Variants in PRKCE observed in about 807,000 individuals in gnomAD.
The protein encoded by PRKCE is protein kinase C epsilon type.
A neutral mutation model predicts 85.4 loss-of-function variants in PRKCE; 16 were observed. That is an observed-to-expected ratio of 0.19 (90% CI 0.13 to 0.28). The LOEUF (loss-of-function observed/expected upper bound fraction) is 0.28. Among genes scored for constraint, PRKCE ranks in the 10% least tolerant of loss-of-function variants. PRKCE has a pLI of 1.00. For missense variants in PRKCE, 573 were observed against 975.2 expected (o/e 0.59, Z 5.49); for synonymous variants, 388 against 371.5 (o/e 1.04, Z -0.51).
rs567323752 is a variant in PRKCE at position 46,107,532 on chromosome 2, A to C, written c.1592+21170A>C. ...AGCTACTATAAACACTCACATGCAG[A>C]TTCTGGGGTAAACATGTTTTCCAAT... On this transcript the variant is annotated intron_variant, in intron 11 of 14. Transcript: ENST00000306156. 3.9e-5 allele frequency among the ~76,000 whole-genome samples: 6 copies of C among 152,336 alleles called. No homozygotes were observed. In the East Asian group the frequency reaches 1.2e-3, roughly 29 times the overall value.
chr2:45,985,101 A>G (rs1302229784), intron 6 of PRKCE, among the ~76,000 whole-genome samples: 1 of 152,184 alleles, frequency 6.6e-6, no homozygotes, highest in Non-Finnish European at 1.5e-5. Context: ...TGAAAGAGCC[A>G]TGCCAGAACC....
intron 11 of PRKCE, among the ~76,000 whole-genome samples, chr2:46,119,077 C>T (rs758930175): frequency 1.3e-5 from 2 of 152,070 alleles, no homozygotes; most frequent in South Asian, 2.1e-4. Flanking sequence ...GGAGTCAACA[C>T]GATAAAATTA....
intron 3 of PRKCE, among the ~76,000 whole-genome samples, chr2:45,977,055 C>G (rs1231009489): frequency 6.6e-6 from 1 of 151,938 alleles, no homozygotes; most frequent in Non-Finnish European, 1.5e-5. Context: ...CACGACCACG[C>G]CTGGCTAATT....
chr2:45,657,794 GC>G (rs1675447306), intron 1 of PRKCE, among the ~76,000 whole-genome samples: 1 of 152,134 alleles, frequency 6.6e-6, no homozygotes, highest in Admixed American at 6.5e-5. Flanking sequence ...TGGGAGATAG[GC>G]CTGTACATCA....
intron 2 of PRKCE, among the ~76,000 whole-genome samples, chr2:45,916,420 T>G (rs1697783819): frequency 6.6e-6 from 1 of 151,922 alleles, no homozygotes; most frequent in South Asian, 2.1e-4. Flanking sequence ...AAAAAAAAAT[T>G]TCATGTGTGG....
chr2:45,794,261 A>G (rs1687247248), intron 1 of PRKCE, among the ~76,000 whole-genome samples: 1 of 152,186 alleles, frequency 6.6e-6, no homozygotes, highest in Admixed American at 6.5e-5. Flanking sequence ...GATCCTTTTC[A>G]GAAACACATA....
chr2:46,022,405 A>G (rs958047561), intron 10 of PRKCE, among the ~76,000 whole-genome samples: 3 of 152,180 alleles, frequency 2.0e-5, no homozygotes, highest in African/African-American at 4.8e-5. Context: ...TGAGTGAGAC[A>G]AGGACAATGA....
chr2:45,740,727 G>A (rs1682488602), intron 1 of PRKCE, among the ~76,000 whole-genome samples: 1 of 152,142 alleles, frequency 6.6e-6, no homozygotes, highest in Non-Finnish European at 1.5e-5. Flanking sequence ...ATTCATGTCT[G>A]GTTATTCACT....
chr2:46,164,257 A>T (rs549631082), intron 14 of PRKCE, among the ~76,000 whole-genome samples: 105 of 152,320 alleles, frequency 6.9e-4, no homozygotes, highest in African/African-American at 2.4e-3. Flanking sequence ...GTCAAAGGCA[A>T]GACACCGTGA....
chr2:46,127,387 C>CT (rs1673967198), intron 11 of PRKCE, among the ~76,000 whole-genome samples: 2 of 152,200 alleles, frequency 1.3e-5, no homozygotes, highest in Non-Finnish European at 2.9e-5. Flanking sequence ...AGAGCACGCC[C>CT]TAAACCAGCA....
At chr2:45,688,639 G>A (rs1272595952) in intron 1 of PRKCE, among the ~76,000 whole-genome samples, 4 of 152,170 alleles carry the variant, frequency 2.6e-5, no homozygotes. Context: ...TGTTGTTTTT[G>A]TGGGTTTCTT....
At chr2:45,883,405 C>A (rs1179511965) in intron 2 of PRKCE, among the ~76,000 whole-genome samples, 1 of 152,220 alleles carries the variant, frequency 6.6e-6, no homozygotes, top group Non-Finnish European at 1.5e-5. Flanking sequence ...CTGCTGCTGG[C>A]TCAGCTGTGG....
At chr2:45,659,446 A>G (rs1418799055) in intron 1 of PRKCE, among the ~76,000 whole-genome samples, 1 of 152,166 alleles carries the variant, frequency 6.6e-6, no homozygotes, top group Non-Finnish European at 1.5e-5. Context: ...GGATTATTTC[A>G]ACAGCCTCTG....
intron 10 of PRKCE, among the ~76,000 whole-genome samples, chr2:46,039,673 C>T (rs1229109348): frequency 1.3e-5 from 2 of 152,162 alleles, no homozygotes; most frequent in Non-Finnish European, 1.5e-5. Context: ...CTTCCAGAAG[C>T]CTACTCTGGC....
chr2:45,749,928 G>A (rs1483855620), intron 1 of PRKCE, among the ~76,000 whole-genome samples: 1 of 152,210 alleles, frequency 6.6e-6, no homozygotes, highest in Non-Finnish European at 1.5e-5. Context: ...GAGGAGTCAA[G>A]AACTGCATAA....
intron 10 of PRKCE, among the ~76,000 whole-genome samples, chr2:46,021,509 G>C (rs1468376325): frequency 2.0e-5 from 3 of 152,110 alleles, no homozygotes; most frequent in Non-Finnish European, 2.9e-5. Flanking sequence ...ATCTGCAAAG[G>C]CCTCCTGCTT....
rs79631384 is a variant in PRKCE at position 46,001,375 on chromosome 2, A to G, written c.824-29A>G. The G allele has an allele frequency of 7.3e-5, 116 of 1,587,744 alleles. No homozygotes were observed. The highest frequency in any genetic ancestry group is 1.7e-5 in the Admixed American group (1 of 59,168). ...GCAACATCTTAGGCCATGAACACTT[A>G]TCTGTCTTTTCTCCATGTCTCCTTA... On this transcript the variant is annotated intron_variant, in intron 6 of 14. Transcript: ENST00000306156. This position sits in a 1 kb window ranked among gnomAD's most constrained non-coding sequence, Gnocchi z 4.4.
At chr2:45,967,005 A>G (rs1701776728) in intron 2 of PRKCE, among the ~76,000 whole-genome samples, 1 of 152,172 alleles carries the variant, frequency 6.6e-6, no homozygotes, top group African/African-American at 2.4e-5. Context: ...TTGGAAAGAT[A>G]AAAGAGAAAG....
rs1297084881 is a variant in PRKCE at position 45,652,727 on chromosome 2, G to A, written c.348+279G>A. ...GAGGTTTGCAAACTGGGAGAGCCTG[G>A]GCCACTGGTGCTGAAGGTTGGCCGA... On this transcript the variant is annotated intron_variant, in intron 1 of 14. Coordinates refer to ENST00000306156, the MANE Select transcript of PRKCE (RefSeq NM_005400.3). The surrounding 1 kb of genome is among the most constrained non-coding windows in gnomAD (Gnocchi z 7.7). Among the ~76,000 whole-genome samples the A allele has an allele frequency of 6.6e-6, 1 of 152,168 alleles. No individual in the cohort carries two copies. Among genetic ancestry groups the A allele is most frequent in the Non-Finnish European group, 1.5e-5 (1 of 68,036 alleles).
Sources: allele counts gnomAD v4.1 joint callset (sites outside exome capture counted in the v4.1 genomes callset), GRCh38; gene constraint gnomAD v4.1.1; non-coding constraint Gnocchi (gnomAD v3.1); transcripts MANE v1.5; gene names NCBI Gene and HGNC (gene_info 2026-07-23, HGNC 2026-07-21).